The following AGBL4 variants were observed in gnomAD, a reference collection of about 807,000 sequenced individuals.
AGBL4 encodes AGBL carboxypeptidase 4.
In AGBL4, 58 loss-of-function variants were observed where a neutral mutation model predicts 66.4. The observed-to-expected ratio is 0.87, with a 90% CI of 0.71 to 1.09. The LOEUF (loss-of-function observed/expected upper bound fraction) is 1.09. AGBL4 is among the 50% of genes least tolerant of loss of function. The pLI is 0.00. For synonymous variants in AGBL4, 234 were observed against 222.9 expected, an observed-to-expected ratio of 1.05 and a Z score of -0.44; for missense variants, 579 against 631.0, an observed-to-expected ratio of 0.92 and a Z score of 0.88.
chr1:49,069,275 CT>C (rs775655237), intron 4 of AGBL4, among the ~76,000 whole-genome samples: 1 of 152,154 alleles, frequency 6.6e-6, no homozygotes, highest in Non-Finnish European at 1.5e-5. Flanking sequence ...GTTGCCATTG[CT>C]TTTGGTGTTT....
At chr1:49,190,832 C>A (rs1160292641) in intron 4 of AGBL4, among the ~76,000 whole-genome samples, 1 of 151,992 alleles carries the variant, frequency 6.6e-6, no homozygotes, top group Non-Finnish European at 1.5e-5. Context: ...ATAAAACAAA[C>A]AAAAGTGTTC....
intron 6 of AGBL4, among the ~76,000 whole-genome samples, chr1:48,831,530 C>A (rs1051280154): frequency 1.3e-5 from 2 of 152,200 alleles, no homozygotes; most frequent in African/African-American, 4.8e-5. Context: ...TTTTTATGCA[C>A]CTCTGCTGTA....
intron 2 of AGBL4, among the ~76,000 whole-genome samples, chr1:49,701,958 G>C (rs988008815): frequency 6.6e-6 from 1 of 151,508 alleles, no homozygotes; most frequent in Admixed American, 6.6e-5. Flanking sequence ...AATGAATAGC[G>C]GTATTTCATG....
intron 3 of AGBL4, among the ~76,000 whole-genome samples, chr1:49,531,182 A>G (rs1345807917): frequency 6.6e-6 from 1 of 152,142 alleles, no homozygotes; most frequent in Admixed American, 6.5e-5. Context: ...GAACCCTAGC[A>G]TCAGTCTCTG....
At chr1:49,146,696 T>C (rs1646224685) in intron 4 of AGBL4, among the ~76,000 whole-genome samples, 1 of 152,186 alleles carries the variant, frequency 6.6e-6, no homozygotes, top group African/African-American at 2.4e-5. Context: ...CCTGAGCCCA[T>C]GAATAAAACA....
intron 4 of AGBL4, among the ~76,000 whole-genome samples, chr1:49,168,987 A>C (rs1267347882): frequency 6.6e-6 from 1 of 152,226 alleles, no homozygotes; most frequent in Non-Finnish European, 1.5e-5. Flanking sequence ...AGAAAGACTG[A>C]GAAACAAAGC....
intron 3 of AGBL4, among the ~76,000 whole-genome samples, chr1:49,246,695 T>C (rs946911967): frequency 6.6e-6 from 1 of 151,810 alleles, no homozygotes; most frequent in African/African-American, 2.4e-5. Context: ...GGAGGGAAGA[T>C]TGTGAAAGAG....
intron 6 of AGBL4, among the ~76,000 whole-genome samples, chr1:48,819,718 T>C (rs1010021669): frequency 1.3e-5 from 2 of 152,180 alleles, no homozygotes; most frequent in Non-Finnish European, 2.9e-5. Context: ...GGGGAAGAAC[T>C]TTTATTTGTA....
chr1:49,276,113 C>CAT (rs1003536369), intron 3 of AGBL4, among the ~76,000 whole-genome samples: 5 of 151,132 alleles, frequency 3.3e-5, no homozygotes, highest in African/African-American at 1.2e-4. Context: ...TATATATATA[C>CAT]ATATATATAC....
chr1:49,985,405 T>C (rs1278319954), intron 1 of AGBL4, among the ~76,000 whole-genome samples: 1 of 152,156 alleles, frequency 6.6e-6, no homozygotes, highest in Non-Finnish European at 1.5e-5. Context: ...TTATTAACTT[T>C]AGAGAGTGTA....
intron 5 of AGBL4, among the ~76,000 whole-genome samples, chr1:48,951,191 C>T (rs1656955600): frequency 6.6e-6 from 1 of 152,094 alleles, no homozygotes; most frequent in Non-Finnish European, 1.5e-5. Context: ...CCAGTCAGTC[C>T]ATGTGGACTG....
At chr1:49,969,177 T>G (rs1022902840) in intron 1 of AGBL4, among the ~76,000 whole-genome samples, 2 of 152,168 alleles carry the variant, frequency 1.3e-5, no homozygotes, top group Admixed American at 1.3e-4. Context: ...AGAACAGTAT[T>G]TCTTTTAAAC....
intron 11 of AGBL4, among the ~76,000 whole-genome samples, chr1:48,552,657 C>G (rs1644265945): frequency 6.6e-6 from 1 of 152,136 alleles, no homozygotes; most frequent in Non-Finnish European, 1.5e-5. Flanking sequence ...AGTGTGTCTT[C>G]AAACATTGCC....
At chr1:49,104,095 G>T (rs998269273) in intron 4 of AGBL4, among the ~76,000 whole-genome samples, 1 of 151,976 alleles carries the variant, frequency 6.6e-6, no homozygotes, top group South Asian at 2.1e-4. Flanking sequence ...TCCTGATCTC[G>T]CCAACCTCTC....
intron 1 of AGBL4, among the ~76,000 whole-genome samples, chr1:49,987,046 C>T (rs1313923231): frequency 6.6e-6 from 1 of 151,912 alleles, no homozygotes; most frequent in African/African-American, 2.4e-5. Flanking sequence ...AACCACTTCC[C>T]TGCTGGTAAA....
chr1:49,193,116 T>C (rs190768793), intron 4 of AGBL4, among the ~76,000 whole-genome samples: 38 of 152,326 alleles, frequency 2.5e-4, no homozygotes, highest in Non-Finnish European at 4.6e-4. Context: ...TCTTGGTTAG[T>C]GTAGCTAGCA....
At position 49,946,603 on chromosome 1, in the gene AGBL4, A is replaced by C. The variant is rs1655230963; in HGVS notation, c.34+77160T>G. Among the ~76,000 whole-genome samples the C allele has an allele frequency of 2.0e-5, 3 of 152,020 alleles. No homozygotes were observed. In the South Asian group the frequency reaches 6.2e-4, roughly 31 times the overall value. ...ATAGCCCTAAACACCTACATCAAAA[A>C]GTCTGAAAGAGCCCTAACAGACAAA... is the stretch of plus-strand genomic sequence containing the variant. On this transcript the variant is annotated intron_variant, in intron 1 of 13. Transcript: ENST00000371839.
chr1:49,565,750 A>G (rs1000695485), intron 3 of AGBL4, among the ~76,000 whole-genome samples: 3 of 150,106 alleles, frequency 2.0e-5, no homozygotes, highest in South Asian at 4.3e-4. Context: ...TTTCCATTTC[A>G]TCTTTGGTGA....
At chr1:48,842,234 T>G (rs750661246) in intron 6 of AGBL4, among the ~76,000 whole-genome samples, 16 of 152,134 alleles carry the variant, frequency 1.1e-4, no homozygotes, top group Non-Finnish European at 1.9e-4. Context: ...TCCAGCAATC[T>G]CATCTTTTGA....
Sources: gnomAD v4.1 joint callset for allele counts (sites outside exome capture counted in the v4.1 genomes callset) on GRCh38, gnomAD v4.1.1 for gene constraint, MANE v1.5 for transcripts, NCBI Gene and HGNC (gene_info 2026-07-23, HGNC 2026-07-21) for gene names.